LZTFL1: variants seen among roughly 807,000 people sequenced by gnomAD.
LZTFL1 encodes the protein leucine zipper transcription factor-like protein 1.
Under a neutral mutation model 45.9 loss-of-function variants are expected in LZTFL1, and 25 were observed. That is an observed-to-expected ratio of 0.54 (90% CI 0.40 to 0.76). The LOEUF (loss-of-function observed/expected upper bound fraction) is 0.76, where lower values mean the gene tolerates loss of function less well. LZTFL1 is among the 30% of genes least tolerant of loss of function. The pLI, the probability that LZTFL1 is intolerant of heterozygous loss-of-function variation, is 0.00. For synonymous variants in LZTFL1, 93 were observed against 117.4 expected (o/e 0.79, Z 1.35); for missense variants, 277 against 331.1 (o/e 0.84, Z 1.27).
chr3:45,893,300 G>A (rs1244939531), intron 2 of LZTFL1, among the ~76,000 whole-genome samples: 2 of 152,010 alleles, frequency 1.3e-5, no homozygotes, highest in Non-Finnish European at 2.9e-5. Flanking sequence ...GACTACAGGC[G>A]CACACCACCA....
chr3:45,883,879 GC>G, intron 2 of LZTFL1: 1 of 519,998 alleles, frequency 1.9e-6, no homozygotes, highest in South Asian at 2.5e-5. Context: ...CTAGAAGCAG[GC>G]CCAGGAGCAA....
At chr3:45,856,346 A>T (rs1175037619) in intron 3 of LZTFL1, among the ~76,000 whole-genome samples, 2 of 152,204 alleles carry the variant, frequency 1.3e-5, no homozygotes, top group Non-Finnish European at 2.9e-5. Context: ...AGAAAATTGA[A>T]ACTGAATCCC....
intron 2 of LZTFL1, chr3:45,883,965 G>T: frequency 2.7e-6 from 1 of 372,490 alleles, no homozygotes; most frequent in South Asian, 4.1e-5. Context: ...AGTGACAAAT[G>T]AATGTGCTGC....
chr3:45,865,559 G>A (rs1208493351), intron 2 of LZTFL1, among the ~76,000 whole-genome samples: 1 of 152,230 alleles, frequency 6.6e-6, no homozygotes, highest in African/African-American at 2.4e-5. Flanking sequence ...CTAGGAAAGG[G>A]ATGGAATAAA....
chr3:45,897,916 C>T (rs1050706916), intron 2 of LZTFL1, among the ~76,000 whole-genome samples: 2 of 141,620 alleles, frequency 1.4e-5, no homozygotes, highest in Admixed American at 7.5e-5. Context: ...AGGCTGCTTG[C>T]GATTTGCTTC....
chr3:45,876,688 A>C (rs531240447), intron 2 of LZTFL1, among the ~76,000 whole-genome samples: 2 of 152,322 alleles, frequency 1.3e-5, no homozygotes, highest in East Asian at 3.9e-4. Flanking sequence ...ATAGATAAGG[A>C]AAATGTTTTG....
chr3:45,869,806 G>A (rs988365063), intron 2 of LZTFL1, among the ~76,000 whole-genome samples: 5 of 152,114 alleles, frequency 3.3e-5, no homozygotes, highest in African/African-American at 1.2e-4. Context: ...CCCAAATCTG[G>A]GACATCCAAG....
At chr3:45,884,525 G>T (rs1350709013) in intron 2 of LZTFL1, among the ~76,000 whole-genome samples, 1 of 152,088 alleles carries the variant, frequency 6.6e-6, no homozygotes, top group Non-Finnish European at 1.5e-5. Context: ...ACGGGGACCC[G>T]TGCAGAGGAG....
chr3:45,867,541 T>G (rs1205508250), intron 2 of LZTFL1, among the ~76,000 whole-genome samples: 1 of 152,116 alleles, frequency 6.6e-6, no homozygotes, highest in Non-Finnish European at 1.5e-5. Flanking sequence ...TATTTAGCAC[T>G]TCTTTAGAAA....
At chr3:45,826,404 A>C in intron 9 of LZTFL1, 72 bp from the exon 10 acceptor site, 1 of 1,192,762 alleles carries the variant, frequency 8.4e-7, no homozygotes, top group Non-Finnish European at 1.2e-6. Flanking sequence ...AGTTTACTTG[A>C]AGCAGTGGCA....
chr3:45,834,430 A>G (rs897580126), intron 3 of LZTFL1, 132 bp from the exon 4 acceptor site: 17 of 553,332 alleles, frequency 3.1e-5, no homozygotes, highest in Non-Finnish European at 4.5e-5. Flanking sequence ...AAACTTCACC[A>G]TATCAAAAAT....
intron 2 of LZTFL1, among the ~76,000 whole-genome samples, chr3:45,865,649 C>T (rs1701566783): frequency 1.3e-5 from 2 of 152,118 alleles, no homozygotes; most frequent in Admixed American, 6.5e-5. Flanking sequence ...ACATTTAGTT[C>T]TTATGTAATT....
intron 7 of LZTFL1, among the ~76,000 whole-genome samples, chr3:45,830,520 A>G (rs1289451019): frequency 6.6e-6 from 1 of 152,218 alleles, no homozygotes; most frequent in Non-Finnish European, 1.5e-5. Flanking sequence ...AAACCAATTA[A>G]AAACTTTTCT....
At chr3:45,892,909 G>A (rs571692305) in intron 2 of LZTFL1, among the ~76,000 whole-genome samples, 1 of 152,204 alleles carries the variant, frequency 6.6e-6, no homozygotes, top group African/African-American at 2.4e-5. Context: ...AGATGACACT[G>A]AGAAGTGAAG....
chr3:45,888,258 T>G (rs1293815088), intron 2 of LZTFL1, among the ~76,000 whole-genome samples: 6 of 152,172 alleles, frequency 3.9e-5, no homozygotes, highest in Non-Finnish European at 2.9e-5. Flanking sequence ...CCTGGAGCAA[T>G]GTTCCCTCCC....
chr3:45,844,399 G>C (rs200171090), upstream of LZTFL1, among the ~76,000 whole-genome samples: 1 of 152,046 alleles, frequency 6.6e-6, no homozygotes, highest in East Asian at 1.9e-4. Context: ...GATGCAGGGG[G>C]ACTAAGGTGA....
At chr3:45,866,199 C>T (rs1701575514) in intron 2 of LZTFL1, among the ~76,000 whole-genome samples, 1 of 152,140 alleles carries the variant, frequency 6.6e-6, no homozygotes, top group South Asian at 2.1e-4. Context: ...TGGATATGTT[C>T]ACCACCTTCA....
chr3:45,901,467 T>C lies in LZTFL1; in HGVS notation c.-215+11653A>G, dbSNP rs1702555721. On this transcript the variant is annotated intron_variant, in intron 2 of 4. Coordinates refer to the LZTFL1 transcript ENST00000472635. The surrounding 1 kb of genome is among the most constrained non-coding windows in gnomAD (Gnocchi z 4.3). ...GGTCATTCTGGGGTTCTTCCTTCCC[T>C]TCGTGGTCATGGCTTGCTGCTATAC... 6.2e-7 allele frequency: 1 copy of C among 1,614,094 alleles called. No individual in the cohort carries two copies. Among genetic ancestry groups the C allele is most frequent in the South Asian group, 1.1e-5 (1 of 91,096 alleles).
chr3:45,847,329 G>A (rs1007076308), intron 4 of LZTFL1, among the ~76,000 whole-genome samples: 3 of 152,168 alleles, frequency 2.0e-5, no homozygotes, highest in Non-Finnish European at 2.9e-5. Flanking sequence ...CTGCAGTGGT[G>A]TGTAATCTTT....
Sources: allele counts gnomAD v4.1 joint callset (sites outside exome capture counted in the v4.1 genomes callset), GRCh38; gene constraint gnomAD v4.1.1; non-coding constraint Gnocchi (gnomAD v3.1); transcripts MANE v1.5; gene names NCBI Gene and HGNC (gene_info 2026-07-23, HGNC 2026-07-21).